The following TMEM135 variants were observed in gnomAD, a reference collection of about 807,000 sequenced individuals.
TMEM135 encodes peroxisomal membrane protein 52.
In TMEM135, 30 loss-of-function variants were observed where a neutral mutation model predicts 60.3. That is an observed-to-expected ratio of 0.50 (90% confidence interval 0.37 to 0.68). TMEM135 has a LOEUF of 0.68. Ranked by LOEUF, TMEM135 falls within the 30% of genes least tolerant of loss-of-function variation. The pLI is 0.00. For synonymous variants in TMEM135, 190 were observed against 186.7 expected, an observed-to-expected ratio of 1.02 and a Z score of -0.14; for missense variants, 468 against 548.8, an observed-to-expected ratio of 0.85 and a Z score of 1.47.
intron 5 of TMEM135, among the ~76,000 whole-genome samples, chr11:87,224,874 A>G (rs1387892409): frequency 6.6e-6 from 1 of 151,352 alleles, no homozygotes; most frequent in African/African-American, 2.4e-5. Context: ...CATGCAGTTT[A>G]TCCTCTCATC....
intron 4 of TMEM135, among the ~76,000 whole-genome samples, chr11:87,137,729 G>A (rs1938142916): frequency 6.6e-6 from 1 of 150,792 alleles, no homozygotes; most frequent in Admixed American, 6.6e-5. Flanking sequence ...CATGATGGGG[G>A]AAAAAACCTC....
intron 6 of TMEM135, among the ~76,000 whole-genome samples, chr11:87,276,972 T>G (rs543661848): frequency 1.4e-3 from 206 of 151,360 alleles, no homozygotes; most frequent in African/African-American, 4.8e-3. Flanking sequence ...TTACCTGGCT[T>G]TTTTTTAAAA....
At chr11:87,153,071 G>A (rs187078652) in intron 4 of TMEM135, among the ~76,000 whole-genome samples, 5 of 152,010 alleles carry the variant, frequency 3.3e-5, no homozygotes, top group African/African-American at 7.2e-5. Context: ...TTAAAATTCC[G>A]TGATGTTTCT....
rs190896757 is a variant in TMEM135 at position 87,077,943 on chromosome 11, A to G, written c.362+6328A>G. On this transcript the variant is annotated intron_variant, in intron 3 of 14. Coordinates refer to ENST00000305494, the MANE Select transcript of TMEM135 (RefSeq NM_022918.4). ...TCATTACATTACTTTTTATTGCCAA[A>G]TAATTCATTATATGGATATGTCACA... 1.5e-3 allele frequency among the ~76,000 whole-genome samples: 225 copies of G among 152,350 alleles called. 1 individual carries two copies. The highest frequency in any genetic ancestry group is 4.3e-3 in the African/African-American group (179 of 41,584).
chr11:87,205,945 A>G (rs1317717959), intron 5 of TMEM135, among the ~76,000 whole-genome samples: 1 of 152,166 alleles, frequency 6.6e-6, no homozygotes, highest in Non-Finnish European at 1.5e-5. Context: ...TCTTTTTGGC[A>G]GATATCCTTG....
At chr11:87,113,625 A>T (rs1038182086) in intron 4 of TMEM135, among the ~76,000 whole-genome samples, 1 of 152,106 alleles carries the variant, frequency 6.6e-6, no homozygotes, top group African/African-American at 2.4e-5. Flanking sequence ...AACTGATTCT[A>T]TAACAGACCT....
At chr11:87,157,456 G>A (rs753085845) in intron 5 of TMEM135, 50 bp downstream of exon 5, 17 of 1,466,884 alleles carry the variant, frequency 1.2e-5, no homozygotes, top group Admixed American at 6.8e-5. Flanking sequence ...TATAGTTTGC[G>A]ATTTTAAAAT....
chr11:87,071,097 G>A (rs1204474418), intron 2 of TMEM135, among the ~76,000 whole-genome samples: 17 of 152,190 alleles, frequency 1.1e-4, no homozygotes, highest in Admixed American at 1.1e-3. Flanking sequence ...AATGAATGTG[G>A]CCGGCTGTTA....
At chr11:87,190,885 G>C (rs143333814) in intron 5 of TMEM135, among the ~76,000 whole-genome samples, 1 of 151,958 alleles carries the variant, frequency 6.6e-6, no homozygotes, top group Middle Eastern at 3.2e-3. Flanking sequence ...TTCTTTGCTG[G>C]TTACCAGTTT....
chr11:87,175,241 A>G (rs944669051), intron 5 of TMEM135, among the ~76,000 whole-genome samples: 1 of 152,228 alleles, frequency 6.6e-6, no homozygotes, highest in Non-Finnish European at 1.5e-5. Flanking sequence ...CCAGAATCAC[A>G]TCATAAAACA....
At chr11:87,268,164 C>CTTTTCT (rs1199993334) in intron 6 of TMEM135, among the ~76,000 whole-genome samples, 1 of 110,492 alleles carries the variant, frequency 9.1e-6, no homozygotes, top group Non-Finnish European at 2.0e-5. Flanking sequence ...ATTTCCTTTC[C>CTTTTCT]TTTCCTTTCT....
At chr11:87,151,391 G>T (rs1938552509) in intron 4 of TMEM135, among the ~76,000 whole-genome samples, 1 of 151,944 alleles carries the variant, frequency 6.6e-6, no homozygotes, top group Admixed American at 6.6e-5. Context: ...CTTGTTTTAT[G>T]GTTGCAGTGG....
intron 9 of TMEM135, among the ~76,000 whole-genome samples, chr11:87,308,536 G>C (rs531137255): frequency 6.6e-6 from 1 of 152,116 alleles, no homozygotes; most frequent in South Asian, 2.1e-4. Flanking sequence ...CTGCAGTCCA[G>C]AAAATACAAA....
At chr11:87,231,534 G>T (rs577214477) in intron 5 of TMEM135, among the ~76,000 whole-genome samples, 45 of 152,070 alleles carry the variant, frequency 3.0e-4, no homozygotes, top group African/African-American at 1.0e-3. Flanking sequence ...TCACGACAAA[G>T]CTCAAGAAAA....
At chr11:87,287,617 C>A in intron 6 of TMEM135, among the ~76,000 whole-genome samples, 1 of 152,168 alleles carries the variant, frequency 6.6e-6, no homozygotes, top group East Asian at 1.9e-4. Flanking sequence ...GCGGAGATTG[C>A]AGTGAGCTGA....
intron 4 of TMEM135, among the ~76,000 whole-genome samples, chr11:87,124,656 A>G (rs1937675871): frequency 6.6e-6 from 1 of 152,142 alleles, no homozygotes; most frequent in Non-Finnish European, 1.5e-5. Flanking sequence ...GATATGTACC[A>G]ATGACAGTGA....
chr11:87,040,422 G>A (rs550405551), intron 1 of TMEM135, among the ~76,000 whole-genome samples: 6 of 152,338 alleles, frequency 3.9e-5, no homozygotes, highest in Middle Eastern at 6.8e-3. Context: ...TCTTTGGGAG[G>A]CCGAGGTGTG....
intron 1 of TMEM135, among the ~76,000 whole-genome samples, chr11:87,055,608 G>C (rs1054407101): frequency 7.5e-6 from 1 of 133,102 alleles, no homozygotes; most frequent in African/African-American, 2.8e-5. Context: ...TTTTTTTTTT[G>C]AGATGGAGTT....
intron 1 of TMEM135, among the ~76,000 whole-genome samples, chr11:87,066,705 T>C (rs1856665543): frequency 6.6e-6 from 1 of 151,742 alleles, no homozygotes; most frequent in Non-Finnish European, 1.5e-5. Flanking sequence ...ACTTCTGCAG[T>C]CTTTTGTATT....
Sources: allele counts gnomAD v4.1 joint callset (sites outside exome capture counted in the v4.1 genomes callset), GRCh38; gene constraint gnomAD v4.1.1; transcripts MANE v1.5; gene names NCBI Gene and HGNC (gene_info 2026-07-23, HGNC 2026-07-21).